The following ACTR3B variants were observed in gnomAD, a reference collection of about 807,000 sequenced individuals.
ACTR3B encodes the protein actin related protein 3B.
Under a neutral mutation model 59.0 loss-of-function variants are expected in ACTR3B, and 8 were observed. That is an observed-to-expected ratio of 0.14 (90% confidence interval 0.08 to 0.24). ACTR3B has a LOEUF of 0.24. ACTR3B is among the 10% of genes least tolerant of loss of function. The pLI, the probability that ACTR3B is intolerant of heterozygous loss-of-function variation, is 1.00. For synonymous variants in ACTR3B, 148 were observed against 197.9 expected, an observed-to-expected ratio of 0.75 and a Z score of 2.12; for missense variants, 245 against 552.3, an observed-to-expected ratio of 0.44 and a Z score of 5.58.
chr7:152,848,053 A>C (rs1798499263), intron 9 of ACTR3B, among the ~76,000 whole-genome samples: 1 of 152,204 alleles, frequency 6.6e-6, no homozygotes, highest in Non-Finnish European at 1.5e-5. Context: ...TAGAGGTGTG[A>C]ATGGACTATG....
In ACTR3B at chr7:152,804,286, G is replaced by C. The variant is rs28587481; in HGVS notation, c.336+2555G>C. Among the ~76,000 whole-genome samples, 390 of 152,056 alleles carry C rather than the reference G, an allele frequency of 2.6e-3. 1 individual carries two copies. Among genetic ancestry groups the C allele is most frequent in the African/African-American group, 9.0e-3 (372 of 41,448 alleles). ...TGAGTGGAAACTGAATTAGAACTTCGGAAGGGATTTGCAAACTTTTTGAAT... is the reference window on the plus strand; with the variant it reads ...TGAGTGGAAACTGAATTAGAACTTCCGAAGGGATTTGCAAACTTTTTGAAT... On this transcript the variant is annotated intron_variant, in intron 4 of 11. Transcript: ENST00000256001.
At chr7:152,831,683 A>G (rs1363306559) in intron 9 of ACTR3B, among the ~76,000 whole-genome samples, 1 of 152,234 alleles carries the variant, frequency 6.6e-6, no homozygotes, top group Non-Finnish European at 1.5e-5. Flanking sequence ...AGGGTTTTCC[A>G]GCAGCAGGAT....
chr7:152,773,392 G>A (rs1245528309), intron 1 of ACTR3B, among the ~76,000 whole-genome samples: 2 of 152,108 alleles, frequency 1.3e-5, no homozygotes, highest in African/African-American at 4.8e-5. Context: ...TTCGAGACCA[G>A]CCTGGCCAAC....
Position 152,759,816 on chromosome 7 carries a change from C to A in ACTR3B, c.-67C>A. 4 of 1,146,352 alleles carry A rather than the reference C, an allele frequency of 3.5e-6. No homozygotes were observed. Among genetic ancestry groups the A allele is most frequent in the Non-Finnish European group, 4.3e-6 (4 of 924,986 alleles). The allele number at this position is 1,146,352 out of a possible 1,614,324, so 71.0% of individuals were successfully genotyped here. A position where few individuals can be genotyped will look rare whatever the true frequency, so the allele number is the denominator to read the frequency against. On this transcript the variant is annotated 5_prime_UTR_variant, in exon 1 of 12. Transcript: ENST00000256001. ...AGACGCTGCGCGCGGGGCTAGCGGG[C>A]GGCGGAGCGGACGGCGACGGGGCGC...
At chr7:152,851,887 T>A (rs1798833647) in intron 9 of ACTR3B, among the ~76,000 whole-genome samples, 5 of 152,118 alleles carry the variant, frequency 3.3e-5, no homozygotes, top group Admixed American at 3.3e-4. Flanking sequence ...ATCGCCTTGT[T>A]TTTGCTTTGC....
At chr7:152,816,255 T>G (rs1181293682) in intron 5 of ACTR3B, among the ~76,000 whole-genome samples, 1 of 152,174 alleles carries the variant, frequency 6.6e-6, no homozygotes, top group East Asian at 1.9e-4. Context: ...CCACGTTTCT[T>G]TATTGAAAAC....
At chr7:152,816,640 A>C (rs1795721042) in intron 6 of ACTR3B, 52 bp downstream of exon 6, 1 of 1,479,262 alleles carries the variant, frequency 6.8e-7, no homozygotes, top group African/African-American at 1.5e-5. Flanking sequence ...ACCTGATTCG[A>C]GGTAAGGATG....
intron 6 of ACTR3B, among the ~76,000 whole-genome samples, chr7:152,818,255 A>T (rs942321384): frequency 1.4e-5 from 2 of 145,862 alleles, no homozygotes; most frequent in African/African-American, 5.6e-5. Flanking sequence ...TACATTTCAC[A>T]GTGTGTCCAG....
chr7:152,815,221 A>AAGGAGGAGG, intron 5 of ACTR3B, among the ~76,000 whole-genome samples: 1 of 152,152 alleles, frequency 6.6e-6, no homozygotes, highest in South Asian at 2.1e-4. Flanking sequence ...AGTCACTTCT[A>AAGGAGGAGG]AGGAGGAGGA....
chr7:152,854,699 C>T lies in ACTR3B; in HGVS notation c.*146C>T, dbSNP rs756803293. On this transcript the variant is annotated 3_prime_UTR_variant, in exon 12 of 12. Coordinates refer to ENST00000256001, the MANE Select transcript of ACTR3B (RefSeq NM_020445.6). This position sits in a 1 kb window ranked among gnomAD's most constrained non-coding sequence, Gnocchi z 4.9. ...CATTGCCGGTGCATGAGGCGCGGCGCGGGCCCTTCAGTAAAAGCCATTTAT... is the reference window on the plus strand; with the variant it reads ...CATTGCCGGTGCATGAGGCGCGGCGTGGGCCCTTCAGTAAAAGCCATTTAT... The T allele has an allele frequency of 5.4e-5, 41 of 765,160 alleles. No individual in the cohort carries two copies. The highest frequency in any genetic ancestry group is 7.8e-5 in the Non-Finnish European group (37 of 473,130). The allele number at this position is 765,160 out of a possible 1,614,324, so 47.4% of individuals were successfully genotyped here. A position where few individuals can be genotyped will look rare whatever the true frequency, so the allele number is the denominator to read the frequency against.
intron 1 of ACTR3B, among the ~76,000 whole-genome samples, chr7:152,774,167 G>C (rs1288548372): frequency 6.6e-6 from 1 of 152,036 alleles, no homozygotes; most frequent in Non-Finnish European, 1.5e-5. Flanking sequence ...ATGGAGTTTT[G>C]CTCTTGTTGC....
intron 7 of ACTR3B, among the ~76,000 whole-genome samples, chr7:152,821,028 G>A (rs1796105965): frequency 6.6e-6 from 1 of 152,108 alleles, no homozygotes; most frequent in South Asian, 2.1e-4. Context: ...GATGATTCCC[G>A]AGGTGTTTTT....
intron 9 of ACTR3B, among the ~76,000 whole-genome samples, chr7:152,830,188 A>C (rs1796914902): frequency 6.6e-6 from 1 of 152,204 alleles, no homozygotes; most frequent in African/African-American, 2.4e-5. Flanking sequence ...GTGGGTGGAC[A>C]GGCCAGGTGG....
Position 152,771,242 on chromosome 7 carries a change from A to G in ACTR3B, c.44+11316A>G, listed in dbSNP as rs552910268. ...AGTGCTGGGATTACTGGTGTGAGCC[A>G]CTGTGCCTGGCTAGAATGGAATTTT... On this transcript the variant is annotated intron_variant, in intron 1 of 11. Transcript: ENST00000256001. 3.3e-5 allele frequency among the ~76,000 whole-genome samples: 5 copies of G among 152,344 alleles called. No homozygotes were observed. In the South Asian group the frequency reaches 1.0e-3, roughly 32 times the overall value.
chr7:152,763,358 A>G (rs1055076330), intron 1 of ACTR3B, among the ~76,000 whole-genome samples: 37 of 145,042 alleles, frequency 2.6e-4, no homozygotes, highest in African/African-American at 8.6e-4. Flanking sequence ...TTTGTGGGGG[A>G]ATATTTTATG....
chr7:152,781,800 A>G (rs1358784703), intron 1 of ACTR3B, among the ~76,000 whole-genome samples: 2 of 152,096 alleles, frequency 1.3e-5, no homozygotes, highest in Non-Finnish European at 2.9e-5. Context: ...TCTGAATTCT[A>G]CCTTGTAGGT....
At chr7:152,781,526 A>G (rs2098154045) in intron 1 of ACTR3B, among the ~76,000 whole-genome samples, 1 of 152,184 alleles carries the variant, frequency 6.6e-6, no homozygotes, top group Non-Finnish European at 1.5e-5. Context: ...CAGTGTGGGA[A>G]GGTGGATTTA....
Position 152,774,796 on chromosome 7 carries a change from A to G in ACTR3B, c.45-8391A>G, listed in dbSNP as rs554710210. Among the ~76,000 whole-genome samples the G allele has an allele frequency of 3.7e-4, 57 of 152,328 alleles. 1 individual carries two copies. In the South Asian group the frequency reaches 0.011, roughly 29 times the overall value. The stretch of plus-strand genomic sequence containing the variant: ...CGTTCTATAGAGACTATGCTTTTCT[A>G]TGAAACAAGCCAAGGAGCATTAAAA... On this transcript the variant is annotated intron_variant, in intron 1 of 11. Transcript: ENST00000256001.
chr7:152,761,214 C>A (rs1273763677), intron 1 of ACTR3B, among the ~76,000 whole-genome samples: 2 of 152,142 alleles, frequency 1.3e-5, no homozygotes, highest in Admixed American at 1.3e-4. Flanking sequence ...AAAACACAAG[C>A]CAAAATCAGC....
Sources: allele counts gnomAD v4.1 joint callset (sites outside exome capture counted in the v4.1 genomes callset), GRCh38; gene constraint gnomAD v4.1.1; non-coding constraint Gnocchi (gnomAD v3.1); transcripts MANE v1.5; gene names NCBI Gene and HGNC (gene_info 2026-07-23, HGNC 2026-07-21).